The following PSMG4 variants were observed in gnomAD, a reference collection of about 807,000 sequenced individuals.
PSMG4 encodes the protein proteasome assembly chaperone 4.
In PSMG4, 10 loss-of-function variants were observed where a neutral mutation model predicts 11.0. The observed-to-expected ratio is 0.91, with a 90% CI of 0.56 to 1.54. PSMG4 has a LOEUF of 1.54. Ranked by LOEUF, PSMG4 falls within the 40% of genes most tolerant of loss-of-function variation. The pLI, the probability that PSMG4 is intolerant of heterozygous loss-of-function variation, is 0.00. For synonymous variants in PSMG4, 95 were observed against 71.3 expected, an observed-to-expected ratio of 1.33 and a Z score of -1.68; for missense variants, 198 against 160.9, an observed-to-expected ratio of 1.23 and a Z score of -1.25.
upstream of PSMG4, chr6:3,255,150 G>A (rs1050156815): frequency 3.9e-6 from 6 of 1,550,912 alleles, no homozygotes; most frequent in African/African-American, 6.8e-5. Context: ...TCTTTGAGGA[G>A]CAGGGCCATA....
upstream of PSMG4, chr6:3,255,153 GGGCCATAC>G (rs1757714166): frequency 6.4e-7 from 1 of 1,550,874 alleles, no homozygotes. Context: ...TTGAGGAGCA[GGGCCATAC>G]TGACGGCTTA....
upstream of PSMG4, chr6:3,255,318 T>G (rs1182982286): frequency 6.7e-7 from 1 of 1,499,974 alleles, no homozygotes; most frequent in African/African-American, 1.4e-5. Flanking sequence ...TGGATGAGGC[T>G]AACGGCAACT....
At position 3,259,100 on chromosome 6, in the gene PSMG4, C is replaced by T. The variant is rs191443505; in HGVS notation, c.78C>T (p.Val26=). The T allele has an allele frequency of 2.1e-5, 27 of 1,275,038 alleles. No homozygotes were observed. Among genetic ancestry groups the T allele is most frequent in the Non-Finnish European group, 2.2e-5 (22 of 1,008,960 alleles). The allele number at this position is 1,275,038 out of a possible 1,614,324, so 79.0% of individuals were successfully genotyped here. The change falls in exon 1 of 3, where the codon GTC becomes GTT. Residue 26 remains valine (V), a synonymous_variant. Coordinates refer to ENST00000438998, the MANE Select transcript of PSMG4 (RefSeq NM_001128591.2). ...NFSARLWEQL[V]HFHVMRLTDS... ...GCGCGAGGCTGTGGGAGCAGCTGGT[C>T]CACTTCCACGTCATGCGGCTGACGG...
intron 1 of PSMG4, among the ~76,000 whole-genome samples, chr6:3,262,473 G>A (rs941344817): frequency 6.6e-6 from 1 of 152,202 alleles, no homozygotes; most frequent in Non-Finnish European, 1.5e-5. Flanking sequence ...GAAGCATACA[G>A]TAAATGCTTT....
rs1048810227 is a variant in PSMG4 at position 3,258,948 on chromosome 6, C to T, written c.-75C>T. The T allele has an allele frequency of 5.8e-6, 7 of 1,210,936 alleles. No individual in the cohort carries two copies. The highest frequency in any genetic ancestry group is 1.6e-5 in the African/African-American group (1 of 63,884). 75.0% of individuals were successfully genotyped at this position (1,210,936 alleles called of 1,614,324 possible). ...AGCGCGCTCGGTCTCTCGGTGCTCG[C>T]TCCATCGGGTCTGGCGGGGCTGGCA... is the stretch of plus-strand genomic sequence containing the variant. On this transcript the variant is annotated 5_prime_UTR_variant, in exon 1 of 3. Transcript: ENST00000438998.
intron 1 of PSMG4, among the ~76,000 whole-genome samples, chr6:3,259,949 A>C: frequency 6.6e-6 from 1 of 152,146 alleles, no homozygotes; most frequent in East Asian, 1.9e-4. Flanking sequence ...GTTTATTCTC[A>C]AAGATCTGTA....
upstream of PSMG4, chr6:3,258,913 C>T (rs1757853478): frequency 7.3e-6 from 8 of 1,101,434 alleles, no homozygotes; most frequent in South Asian, 4.7e-5. Context: ...CTTCCGGGGC[C>T]GAAAGCGAAA....
chr6:3,263,634 G>A, intron 1 of PSMG4, 50 bp from the exon 2 acceptor site: 2 of 1,441,140 alleles, frequency 1.4e-6, no homozygotes, highest in East Asian at 5.1e-5. Flanking sequence ...AAGTGTGGCT[G>A]GCCTGCGGGG....
upstream of PSMG4, among the ~76,000 whole-genome samples, chr6:3,254,612 T>C (rs1757677251): frequency 6.6e-6 from 1 of 152,190 alleles, no homozygotes. Flanking sequence ...CCAGTAGGCG[T>C]AGCTTTAAGA....
chr6:3,262,170 C>T (rs1015639254), intron 1 of PSMG4, among the ~76,000 whole-genome samples: 1 of 152,184 alleles, frequency 6.6e-6, no homozygotes, highest in Non-Finnish European at 1.5e-5. Flanking sequence ...TTCTTGGACC[C>T]CCCGCCCGGC....
upstream of PSMG4, among the ~76,000 whole-genome samples, chr6:3,257,788 GTGA>G (rs1169457878): frequency 7.2e-5 from 11 of 152,118 alleles, no homozygotes; most frequent in South Asian, 1.0e-3. Flanking sequence ...TTTGTGGATT[GTGA>G]TGATGATTTC....
At chr6:3,254,874 G>A (rs191597114), upstream of PSMG4, among the ~76,000 whole-genome samples, 1 of 152,188 alleles carries the variant, frequency 6.6e-6, no homozygotes, top group East Asian at 1.9e-4. Flanking sequence ...TGAGATGCTG[G>A]AGGGTGACTC....
At chr6:3,255,026 T>C, upstream of PSMG4, 2 of 1,549,068 alleles carry the variant, frequency 1.3e-6, no homozygotes, top group Non-Finnish European at 1.7e-6. Context: ...GCTGGGATAA[T>C]GGCGCTTTCT....
chr6:3,255,327 C>T (rs1437682061), upstream of PSMG4: 3 of 1,487,154 alleles, frequency 2.0e-6, no homozygotes, highest in Non-Finnish European at 2.7e-6. Flanking sequence ...CTAACGGCAA[C>T]TGGTGGAGTC....
At chr6:3,256,596 CATCATA>C (rs1347132405), upstream of PSMG4, among the ~76,000 whole-genome samples, 2 of 151,820 alleles carry the variant, frequency 1.3e-5, no homozygotes, top group Non-Finnish European at 2.9e-5. Flanking sequence ...CAGGCCCAGG[CATCATA>C]ATGTTTTTGG....
upstream of PSMG4, chr6:3,255,083 T>G (rs951553357): frequency 6.4e-7 from 1 of 1,550,924 alleles, no homozygotes. Flanking sequence ...CTTCTATTCC[T>G]AAGAAGTTGG....
chr6:3,265,183 CTT>C (rs1758136123), intron 2 of PSMG4: 1 of 152,240 alleles, frequency 6.6e-6, no homozygotes, highest in Non-Finnish European at 1.5e-5. Flanking sequence ...TCCGGCGTCT[CTT>C]AAGGGAATGG....
upstream of PSMG4, among the ~76,000 whole-genome samples, chr6:3,256,282 T>C (rs898579288): frequency 6.6e-6 from 1 of 152,160 alleles, no homozygotes; most frequent in African/African-American, 2.4e-5. Flanking sequence ...TCTAGGTATA[T>C]ATATCCCAGT....
upstream of PSMG4, among the ~76,000 whole-genome samples, chr6:3,256,639 C>A (rs1458878982): frequency 6.6e-6 from 1 of 152,208 alleles, no homozygotes; most frequent in Non-Finnish European, 1.5e-5. Context: ...GCCGCCTGAC[C>A]ATCCATTCTT....
Sources: allele counts gnomAD v4.1 joint callset (sites outside exome capture counted in the v4.1 genomes callset), GRCh38; gene constraint gnomAD v4.1.1; transcripts MANE v1.5; gene names NCBI Gene and HGNC (gene_info 2026-07-23, HGNC 2026-07-21).